ROBO1: variants seen among roughly 807,000 people sequenced by gnomAD.
The protein encoded by ROBO1 is roundabout homolog 1.
Under a neutral mutation model 195.9 loss-of-function variants are expected in ROBO1, and 149 were observed. That is an observed-to-expected ratio of 0.76 (90% CI 0.67 to 0.87). The LOEUF is 0.87. ROBO1 is among the 40% of genes least tolerant of loss of function. ROBO1 has a pLI of 0.00. For synonymous variants in ROBO1, 816 were observed against 733.2 expected (o/e 1.11, Z -1.82); for missense variants, 1,933 against 2,068.3 (o/e 0.93, Z 1.27).
chr3:79,385,517 C>G (rs758657415), intron 2 of ROBO1, among the ~76,000 whole-genome samples: 1 of 152,084 alleles, frequency 6.6e-6, no homozygotes, highest in Non-Finnish European at 1.5e-5. Context: ...TATGTGTTAT[C>G]TTTCCGCAAG....
chr3:79,344,479 C>A lies in ROBO1; in HGVS notation c.89-218940G>T, dbSNP rs377044564. 2.2e-3 allele frequency among the ~76,000 whole-genome samples: 340 copies of A among 152,126 alleles called. 1 individual carries two copies. The highest frequency in any genetic ancestry group is 7.2e-3 in the African/African-American group (298 of 41,498). On this transcript the variant is annotated intron_variant, in intron 2 of 30. Coordinates refer to ENST00000464233, the MANE Select transcript of ROBO1 (RefSeq NM_002941.4). ...AATAAAAGCGAATAATAGTTGAACG[C>A]AATAAGTGAATCACATTTGGATTAT...
At chr3:78,758,001 T>C (rs559061403) in intron 4 of ROBO1, among the ~76,000 whole-genome samples, 1 of 152,324 alleles carries the variant, frequency 6.6e-6, no homozygotes, top group South Asian at 2.1e-4. Flanking sequence ...TGCGATTGTG[T>C]AGCTGCGTGA....
In ROBO1 at chr3:78,808,694, G is replaced by C. The variant is rs190787315; in HGVS notation, c.500-61794C>G. 7.9e-5 allele frequency among the ~76,000 whole-genome samples: 12 copies of C among 152,080 alleles called. No homozygotes were observed. The East Asian group carries it at 1.9e-3, about 25-fold the overall frequency. On this transcript the variant is annotated intron_variant, in intron 4 of 30. Transcript: ENST00000464233. ...TCAGAGACCTCAGAAATAACACCAC[G>C]CATCTACAACCATCTAATCTTTGAA...
At chr3:78,737,252 G>A (rs2082413269) in intron 5 of ROBO1, among the ~76,000 whole-genome samples, 1 of 152,178 alleles carries the variant, frequency 6.6e-6, no homozygotes, top group Non-Finnish European at 1.5e-5. Context: ...AGGCAGAGGA[G>A]ATAGAAAGCT....
intron 4 of ROBO1, among the ~76,000 whole-genome samples, chr3:78,882,781 C>CCTTCGGG (rs1393196372): frequency 6.6e-6 from 1 of 151,372 alleles, no homozygotes; most frequent in Non-Finnish European, 1.5e-5. Context: ...AGCTCCTTTA[C>CCTTCGGG]CTTCGGGATA....
At chr3:78,868,036 T>C (rs2107103138) in intron 4 of ROBO1, among the ~76,000 whole-genome samples, 2 of 152,228 alleles carry the variant, frequency 1.3e-5, no homozygotes, top group Middle Eastern at 6.8e-3. Flanking sequence ...CAAAAATGAA[T>C]CATGAGTACA....
At chr3:78,794,926 A>T (rs1336805042) in intron 4 of ROBO1, among the ~76,000 whole-genome samples, 1 of 152,184 alleles carries the variant, frequency 6.6e-6, no homozygotes, top group Non-Finnish European at 1.5e-5. Flanking sequence ...GGAGTTTTAA[A>T]ACAAAGTAAC....
At chr3:78,662,272 C>CCTTTTT (rs1333970433) in intron 14 of ROBO1, among the ~76,000 whole-genome samples, 158 bp from the exon 15 acceptor site, 18 of 150,794 alleles carry the variant, frequency 1.2e-4, no homozygotes, top group African/African-American at 4.4e-4. Flanking sequence ...AATAATTTAA[C>CCTTTTT]CTTTTTATTA....
chr3:79,109,088 G>C (rs993564153), intron 3 of ROBO1, among the ~76,000 whole-genome samples: 41 of 151,436 alleles, frequency 2.7e-4, no homozygotes, highest in African/African-American at 9.9e-4. Context: ...GGTCATGTCT[G>C]ATCTGAATGG....
At position 78,631,384 on chromosome 3, in the gene ROBO1, G is replaced by C. The variant is rs1253865996; in HGVS notation, c.3482-79C>G. 3 of 1,412,192 alleles carry C rather than the reference G, an allele frequency of 2.1e-6. No individual in the cohort carries two copies. The Admixed American group carries it at 7.3e-5, about 34-fold the overall frequency. The allele number at this position is 1,412,192 out of a possible 1,614,324, so 87.5% of individuals were successfully genotyped here. A position where few individuals can be genotyped will look rare whatever the true frequency, so the allele number is the denominator to read the frequency against. On this transcript the variant is annotated intron_variant, in intron 24 of 30. Transcript: ENST00000464233. ...ATTAGTCACAAGTTAATTATTTTTTGTAAATATGATTTTATAATTCATTTA... is the reference window on the plus strand; with the variant it reads ...ATTAGTCACAAGTTAATTATTTTTTCTAAATATGATTTTATAATTCATTTA...
intron 2 of ROBO1, among the ~76,000 whole-genome samples, chr3:79,569,576 A>C (rs1414436648): frequency 6.6e-6 from 1 of 152,078 alleles, no homozygotes; most frequent in Non-Finnish European, 1.5e-5. Flanking sequence ...GAAATCTGTC[A>C]ACATAGTAAA....
intron 2 of ROBO1, among the ~76,000 whole-genome samples, chr3:79,284,040 G>A (rs564642672): frequency 6.6e-6 from 1 of 151,640 alleles, no homozygotes; most frequent in Admixed American, 6.6e-5. Flanking sequence ...GTAAGTTCTG[G>A]GTCGCTGGTG....
chr3:78,605,243 G>T (rs1559635464), intron 29 of ROBO1, among the ~76,000 whole-genome samples: 1 of 152,190 alleles, frequency 6.6e-6, no homozygotes, highest in Admixed American at 6.5e-5. Flanking sequence ...CAATAGCTTG[G>T]ATATCTTGAT....
chr3:79,602,155 A>G (rs149995299), intron 1 of ROBO1, among the ~76,000 whole-genome samples: 2 of 152,154 alleles, frequency 1.3e-5, no homozygotes, highest in East Asian at 3.9e-4. Flanking sequence ...GGGTTAGTTT[A>G]TGAAGCTACA....
At chr3:79,382,445 A>G (rs1407209723) in intron 2 of ROBO1, among the ~76,000 whole-genome samples, 1 of 151,990 alleles carries the variant, frequency 6.6e-6, no homozygotes, top group Non-Finnish European at 1.5e-5. Flanking sequence ...ACGTGACAAG[A>G]TATTCAAGAG....
At chr3:79,374,433 C>A (rs2036311288) in intron 2 of ROBO1, among the ~76,000 whole-genome samples, 1 of 152,060 alleles carries the variant, frequency 6.6e-6, no homozygotes, top group African/African-American at 2.4e-5. Context: ...GAGGAAATCT[C>A]CCCTCAAGCT....
intron 3 of ROBO1, among the ~76,000 whole-genome samples, chr3:78,980,809 C>T (rs1376397604): frequency 6.6e-6 from 1 of 152,020 alleles, no homozygotes; most frequent in Admixed American, 6.6e-5. Flanking sequence ...AAACTTACAC[C>T]CCTGGTAAAT....
At chr3:79,472,479 A>G (rs1056460375) in intron 2 of ROBO1, among the ~76,000 whole-genome samples, 1 of 152,152 alleles carries the variant, frequency 6.6e-6, no homozygotes, top group African/African-American at 2.4e-5. Flanking sequence ...GATATATCAT[A>G]CAGACATACT....
intron 3 of ROBO1, among the ~76,000 whole-genome samples, chr3:78,982,284 T>C (rs1480757111): frequency 3.3e-5 from 5 of 152,200 alleles, no homozygotes; most frequent in Non-Finnish European, 4.4e-5. Flanking sequence ...ATTGGATTAT[T>C]GAGTAATCAC....
Sources: gnomAD v4.1 joint callset for allele counts (sites outside exome capture counted in the v4.1 genomes callset) on GRCh38, gnomAD v4.1.1 for gene constraint, MANE v1.5 for transcripts, NCBI Gene and HGNC (gene_info 2026-07-23, HGNC 2026-07-21) for gene names.